Variants in AFF2 observed in about 807,000 individuals in gnomAD.
AFF2 encodes AF4/FMR2 family member 2.
In AFF2, 14 loss-of-function variants were observed where a neutral mutation model predicts 76.9. That is an observed-to-expected ratio of 0.18 (90% CI 0.12 to 0.28). The LOEUF is 0.28. Ranked by LOEUF, AFF2 falls within the 10% of genes least tolerant of loss-of-function variation. The pLI, the probability that AFF2 is intolerant of heterozygous loss-of-function variation, is 1.00. For synonymous variants in AFF2, 398 were observed against 366.7 expected (o/e 1.09, Z -0.98); for missense variants, 868 against 1,001.1 (o/e 0.87, Z 1.79).
At chrX:148,717,619 G>A (rs1460990440) in intron 3 of AFF2, among the ~76,000 whole-genome samples, 1 of 111,870 alleles carries the variant, frequency 8.9e-6, no homozygotes, top group Non-Finnish European at 1.9e-5. Context: ...CTGGATTGCA[G>A]AATTGGAGTG....
At chrX:148,545,682 C>A (rs782514622) in intron 1 of AFF2, among the ~76,000 whole-genome samples, 5 of 110,354 alleles carry the variant, frequency 4.5e-5, no homozygotes, top group African/African-American at 1.6e-4. Context: ...TATATAGTCA[C>A]CCCAGTCCAC....
chrX:148,944,927 G>A (rs186228631), intron 9 of AFF2, among the ~76,000 whole-genome samples: 3 of 111,581 alleles, frequency 2.7e-5, no homozygotes, highest in African/African-American at 6.5e-5. Context: ...CTACATCTCC[G>A]TATTCTCAGC....
intron 11 of AFF2, among the ~76,000 whole-genome samples, chrX:148,957,671 T>A (rs1226750060): frequency 2.7e-5 from 3 of 112,094 alleles, no homozygotes; most frequent in African/African-American, 9.7e-5. Flanking sequence ...ATTCCAAAAT[T>A]CAAAAATATT....
intron 9 of AFF2, among the ~76,000 whole-genome samples, chrX:148,949,740 G>T (rs2071943186): frequency 8.9e-6 from 1 of 112,299 alleles, no homozygotes; most frequent in Non-Finnish European, 1.9e-5. Flanking sequence ...AGAGTGGATG[G>T]CTTAATATAG....
intron 16 of AFF2, among the ~76,000 whole-genome samples, chrX:148,977,614 GACACACACACACACACAC>G (rs140911348): frequency 8.6e-5 from 8 of 92,723 alleles, no homozygotes; most frequent in African/African-American, 2.4e-4. Context: ...CCAGCATTTA[GACACACACACACACACAC>G]ACACACACAC....
intron 1 of AFF2, among the ~76,000 whole-genome samples, chrX:148,603,956 T>G (rs1557248446): frequency 1.8e-5 from 2 of 111,565 alleles, no homozygotes; most frequent in East Asian, 2.8e-4. Context: ...TTTAGATAAC[T>G]TTGTCTATTT....
At chrX:148,971,561 A>G (rs1376328744) in intron 15 of AFF2, among the ~76,000 whole-genome samples, 8 of 105,134 alleles carry the variant, frequency 7.6e-5, no homozygotes, top group Non-Finnish European at 1.5e-4. Context: ...ACCCTTAGGT[A>G]GAAAGGAACT....
chrX:148,837,712 C>T lies in AFF2; in HGVS notation c.1152C>T (p.Ser384=). The stretch of plus-strand genomic sequence containing the variant: ...ATACTGCTGGACACTCTGAGCAGAG[C>T]ACCTTTTCCATCCCAGGACAGGTCA... The part of the protein sequence containing the change: ...SMHTAGHSEQ[S]TFSIPGQESQ... The change falls in exon 5 of 21, where the codon AGC becomes AGT. Residue 384 remains serine, a synonymous_variant. Coordinates refer to ENST00000370460, the MANE Select transcript of AFF2 (RefSeq NM_002025.4). 8.4e-7 allele frequency: 1 copy of T among 1,195,696 alleles called. No individual in the cohort carries two copies. Among genetic ancestry groups the T allele is most frequent in the Non-Finnish European group, 1.1e-6 (1 of 881,490 alleles).
intron 1 of AFF2, among the ~76,000 whole-genome samples, chrX:148,642,758 G>C (rs1443478253): frequency 8.9e-6 from 1 of 112,124 alleles, no homozygotes; most frequent in Non-Finnish European, 1.9e-5. Context: ...TGAGGAAAGA[G>C]GAAAAGGAGG....
intron 8 of AFF2, among the ~76,000 whole-genome samples, chrX:148,900,759 GAGAA>G (rs2071345091): frequency 8.9e-6 from 1 of 111,895 alleles, no homozygotes; most frequent in South Asian, 3.8e-4. Flanking sequence ...GAAAAGTAGA[GAGAA>G]AGAGAGGTCT....
intron 7 of AFF2, among the ~76,000 whole-genome samples, chrX:148,861,419 T>G (rs1450947078): frequency 8.9e-6 from 1 of 112,046 alleles, no homozygotes; most frequent in Non-Finnish European, 1.9e-5. Flanking sequence ...TATGAAATAT[T>G]AATTGGTATT....
At position 148,953,651 on chromosome X, in the gene AFF2, C is replaced by T. The variant is rs782378680; in HGVS notation, c.1469C>T (p.Ser490Leu). Residue 490 changes from serine (S) to leucine (L), a missense_variant, in exon 10 of 21, where the codon TCG (serine) becomes TTG (leucine). Physicochemically the swap from Ser to Leu is moderately radical, Grantham distance 145 (BLOSUM62 -2). Around this residue, in one of 6 missense-constraint regions of AFF2, gnomAD observed 532 missense variants for 564.2 expected, o/e 0.94. Transcript: ENST00000370460. ...GGGGGTTCTGGCAGCTCCAGCGAAT[C>T]GGAGAGCAGCTCTGAGTCGGATTCA... ...ASGGSGSSSE[S>L]ESSSESDSDT... The T allele has an allele frequency of 5.0e-6, 6 of 1,209,628 alleles. No homozygotes were observed. In the African/African-American group the frequency reaches 5.3e-5, roughly 11 times the overall value.
chrX:148,778,359 G>A (rs5980590), intron 3 of AFF2, among the ~76,000 whole-genome samples: 18,815 of 110,955 alleles, frequency 0.17, 1,370 homozygotes, highest in African/African-American at 0.25. Context: ...GGATGATGAC[G>A]GTGTCATAGA....
intron 1 of AFF2, among the ~76,000 whole-genome samples, chrX:148,616,934 TG>T (rs1299234529): frequency 9.0e-6 from 1 of 111,722 alleles, no homozygotes; most frequent in African/African-American, 3.3e-5. Flanking sequence ...TAGTATTCCA[TG>T]GTGTATATGT....
At chrX:148,671,772 C>CT (rs80051300) in intron 3 of AFF2, among the ~76,000 whole-genome samples, 268 of 101,535 alleles carry the variant, frequency 2.6e-3, no homozygotes, top group Admixed American at 4.1e-3. Context: ...TATATTTCAC[C>CT]TTTTTTTTTT....
chrX:148,536,947 T>C (rs1166296193), intron 1 of AFF2, among the ~76,000 whole-genome samples: 2 of 112,521 alleles, frequency 1.8e-5, no homozygotes, highest in Non-Finnish European at 3.8e-5. Flanking sequence ...CCCAAAGCCA[T>C]TGAGGGCTTT....
intron 1 of AFF2, among the ~76,000 whole-genome samples, chrX:148,568,308 A>G (rs1557242026): frequency 1.8e-5 from 2 of 111,815 alleles, no homozygotes; most frequent in African/African-American, 6.5e-5. Flanking sequence ...TTGTATGACA[A>G]TTTGTTTCCC....
At chrX:148,934,205 A>AT (rs1240349452) in intron 9 of AFF2, among the ~76,000 whole-genome samples, 2 of 112,267 alleles carry the variant, frequency 1.8e-5, no homozygotes, top group Admixed American at 9.5e-5. Flanking sequence ...TAAAGAAAAC[A>AT]TTTTTTCTGT....
intron 1 of AFF2, among the ~76,000 whole-genome samples, chrX:148,648,243 C>T (rs782568405): frequency 9.0e-6 from 1 of 111,039 alleles, no homozygotes; most frequent in Admixed American, 9.6e-5. Flanking sequence ...GGGAAGCACA[C>T]AGGTGGGTGA....
Sources: allele counts gnomAD v4.1 joint callset (sites outside exome capture counted in the v4.1 genomes callset), GRCh38; gene constraint gnomAD v4.1.1; regional missense constraint gnomAD v4.1.1; transcripts MANE v1.5; gene names NCBI Gene and HGNC (gene_info 2026-07-23, HGNC 2026-07-21).